The following MYB variants were observed in gnomAD, a reference collection of about 807,000 sequenced individuals.
MYB encodes transcriptional activator Myb.
In MYB, 28 loss-of-function variants were observed where a neutral mutation model predicts 92.9. The ratio of observed to expected loss-of-function variants is 0.30; its 90% confidence interval spans 0.22 to 0.41. MYB has a LOEUF of 0.41. MYB is among the 10% of genes least tolerant of loss of function. The probability of loss-of-function intolerance (pLI) is 1.00; values close to 1 mark genes in which losing one functional copy is unlikely to be tolerated. For synonymous variants in MYB, 295 were observed against 329.1 expected (o/e 0.90, Z 1.12); for missense variants, 679 against 929.3 (o/e 0.73, Z 3.50).
At chr6:135,189,466 C>A (rs1444499732) in intron 3 of MYB, among the ~76,000 whole-genome samples, 1 of 152,174 alleles carries the variant, frequency 6.6e-6, no homozygotes, top group Non-Finnish European at 1.5e-5. Context: ...CTCTATCAAG[C>A]CTCAGGCTAT....
At chr6:135,199,433 T>C in intron 11 of MYB, 1 of 366,974 alleles carries the variant, frequency 2.7e-6, no homozygotes. Context: ...TCTTACCTAG[T>C]TTGTATTTTT....
At chr6:135,195,532 T>G in intron 8 of MYB, 2 of 533,506 alleles carry the variant, frequency 3.7e-6, no homozygotes, top group South Asian at 6.5e-5. Flanking sequence ...AACAAGGTAA[T>G]CATATAGGTA....
At position 135,196,703 on chromosome 6, in the gene MYB, A is replaced by G. The variant is rs186431959; in HGVS notation, c.1204-258A>G. ...AATATGCCATCTAGAAAAGGTCTTC[A>G]TTTTGCTTTCCATTGCATGCAGATG... On this transcript the variant is annotated intron_variant, in intron 9 of 15. Transcript: ENST00000341911. 265 of 1,438,276 alleles carry G rather than the reference A, an allele frequency of 1.8e-4. No individual in the cohort carries two copies. The African/African-American group carries it at 3.2e-3, about 18-fold the overall frequency. The allele number at this position is 1,438,276 out of a possible 1,614,324, so 89.1% of individuals were successfully genotyped here.
At position 135,200,327 on chromosome 6, in the gene MYB, A is replaced by T; in HGVS notation, c.1862A>T (p.Asp621Val). 6.2e-7 allele frequency: 1 copy of T among 1,614,152 alleles called. No homozygotes were observed. The highest frequency in any genetic ancestry group is 8.5e-7 in the Non-Finnish European group (1 of 1,180,028). ...TCTCATCTAGTAGAAGATCTGCAGG[A>T]TGTGATCAAACAGGAATCTGATGAA... Reference protein sequence around the residue: ...TPSHLVEDLQDVIKQESDESG... With the variant: ...TPSHLVEDLQVVIKQESDESG... The change falls in exon 13 of 16, where the codon GAT becomes GTT. Residue 621 changes from aspartate to valine, a missense_variant. Coordinates refer to ENST00000341911, the MANE Select transcript of MYB (RefSeq NM_001130173.2).
chr6:135,186,144 C>T, intron 2 of MYB, 124 bp downstream of exon 2: 1 of 740,034 alleles, frequency 1.4e-6, no homozygotes, highest in Non-Finnish European at 2.3e-6. Flanking sequence ...TTATCCTAGC[C>T]CGCATGTGCA....
At chr6:135,208,863 C>A (rs762738937) in intron 15 of MYB, among the ~76,000 whole-genome samples, 4 of 152,126 alleles carry the variant, frequency 2.6e-5, no homozygotes, top group Non-Finnish European at 4.4e-5. Flanking sequence ...AAAAAAGAAT[C>A]AAAATTGAAA....
Position 135,207,168 on chromosome 6 carries a change from A to C in MYB, c.2169+3844A>C, listed in dbSNP as rs982740499. ...TTAAATGATATGTATTTTACTTAAGAGTACTTTATATAATCTATAATTTTT... is the reference window on the plus strand; with the variant it reads ...TTAAATGATATGTATTTTACTTAAGCGTACTTTATATAATCTATAATTTTT... On this transcript the variant is annotated intron_variant, in intron 15 of 15. Coordinates refer to ENST00000341911, the MANE Select transcript of MYB (RefSeq NM_001130173.2). Among the ~76,000 whole-genome samples the C allele has an allele frequency of 4.6e-5, 7 of 152,342 alleles. No individual in the cohort carries two copies. The East Asian group carries it at 1.3e-3, about 29-fold the overall frequency.
chr6:135,193,697 GT>G, intron 6 of MYB, 140 bp from the exon 7 acceptor site: 1 of 526,988 alleles, frequency 1.9e-6, no homozygotes, highest in Non-Finnish European at 3.4e-6. Flanking sequence ...ACATTAAAAG[GT>G]TTTAAAAATT....
chr6:135,218,152 A>C lies in MYB; in HGVS notation c.*172A>C, dbSNP rs1780698847. ...GTTGAATGAAGTCTTCTTGGATTTCACCCAACTAAAAGGATTTTTAAAAAT... is the reference window on the plus strand; with the variant it reads ...GTTGAATGAAGTCTTCTTGGATTTCCCCCAACTAAAAGGATTTTTAAAAAT... On this transcript the variant is annotated 3_prime_UTR_variant, in exon 16 of 16. Transcript: ENST00000341911. The C allele has an allele frequency of 1.3e-5, 7 of 548,600 alleles. No individual in the cohort carries two copies. The South Asian group carries it at 1.3e-4, about 10-fold the overall frequency. The allele number at this position is 548,600 out of a possible 1,614,324, so 34.0% of individuals were successfully genotyped here. A position where few individuals can be genotyped will look rare whatever the true frequency, so the allele number is the denominator to read the frequency against.
At chr6:135,206,726 A>G (rs1778995583) in intron 15 of MYB, among the ~76,000 whole-genome samples, 1 of 152,080 alleles carries the variant, frequency 6.6e-6, no homozygotes, top group African/African-American at 2.4e-5. Context: ...AATCTGCTAT[A>G]ATAGATACTA....
intron 1 of MYB, among the ~76,000 whole-genome samples, chr6:135,183,578 G>A (rs1315614277): frequency 6.6e-6 from 1 of 152,202 alleles, no homozygotes; most frequent in Admixed American, 6.5e-5. Flanking sequence ...GTTATTTCAG[G>A]TTCCTTAGTA....
chr6:135,185,815 G>GT, intron 1 of MYB, 88 bp from the exon 2 acceptor site: 1 of 1,026,962 alleles, frequency 9.7e-7, no homozygotes, highest in Non-Finnish European at 1.5e-6. Flanking sequence ...TGAAAAGATT[G>GT]TTGAGGAGTT....
In MYB at chr6:135,194,274, C is replaced by G. The variant is rs9494174; in HGVS notation, c.844-82C>G. The G allele has an allele frequency of 2.1e-3, 2,237 of 1,071,788 alleles. 25 individuals carry two copies. The African/African-American group carries it at 0.031, about 15-fold the overall frequency. The allele number at this position is 1,071,788 out of a possible 1,614,324, so 66.4% of individuals were successfully genotyped here. A position where few individuals can be genotyped will look rare whatever the true frequency, so the allele number is the denominator to read the frequency against. ...AGGCTCTTTGGGCTGTGCGGCACCT[C>G]ATGACCATATTGGCTACACCCATTG... On this transcript the variant is annotated intron_variant, in intron 7 of 15. Coordinates refer to ENST00000341911, the MANE Select transcript of MYB (RefSeq NM_001130173.2).
At chr6:135,215,860 G>A (rs751335134) in intron 15 of MYB, among the ~76,000 whole-genome samples, 30 of 151,980 alleles carry the variant, frequency 2.0e-4, no homozygotes, top group Non-Finnish European at 1.9e-4. Flanking sequence ...ACAAACCTGC[G>A]CACACGGCCT....
chr6:135,200,472 T>G (rs1393273171), intron 13 of MYB, 57 bp downstream of exon 13: 1 of 1,608,724 alleles, frequency 6.2e-7, no homozygotes, highest in Admixed American at 1.7e-5. Context: ...CTTTATTCCT[T>G]GTGTGCAGCT....
At position 135,192,313 on chromosome 6, in the gene MYB, T is replaced by C. The variant is rs1286807493; in HGVS notation, c.528-11T>C. 2 of 1,606,216 alleles carry C rather than the reference T, an allele frequency of 1.2e-6. No homozygotes were observed. Among genetic ancestry groups the C allele is most frequent in the East Asian group, 4.5e-5 (2 of 44,842 alleles). On this transcript the variant is annotated splice_polypyrimidine_tract_variant and intron_variant, in intron 5 of 15. Coordinates refer to ENST00000341911, the MANE Select transcript of MYB (RefSeq NM_001130173.2). Reference sequence around the variant, plus strand: ...TTGTTTGTGAAATTTGTGTGATATATTTCTGTGCAGAACTGATAATGCTAT... The same window carrying C: ...TTGTTTGTGAAATTTGTGTGATATACTTCTGTGCAGAACTGATAATGCTAT...
At chr6:135,193,811 G>A in intron 6 of MYB, 27 bp from the exon 7 acceptor site, 1 of 1,526,998 alleles carries the variant, frequency 6.5e-7, no homozygotes, top group South Asian at 1.1e-5. Flanking sequence ...TGAATGACGT[G>A]GCCTTTGTTT....
At chr6:135,189,271 T>G (rs547622128) in intron 3 of MYB, among the ~76,000 whole-genome samples, 2 of 152,340 alleles carry the variant, frequency 1.3e-5, no homozygotes, top group South Asian at 4.1e-4. Context: ...TAGTCAGTCA[T>G]CTACTTGTCT....
chr6:135,188,172 T>G (rs999053344), intron 3 of MYB, among the ~76,000 whole-genome samples: 1 of 152,202 alleles, frequency 6.6e-6, no homozygotes, highest in Non-Finnish European at 1.5e-5. Flanking sequence ...TATAGGATAA[T>G]TAGTATTTTG....
Sources: allele counts gnomAD v4.1 joint callset (sites outside exome capture counted in the v4.1 genomes callset), GRCh38; gene constraint gnomAD v4.1.1; transcripts MANE v1.5; gene names NCBI Gene and HGNC (gene_info 2026-07-23, HGNC 2026-07-21).